IFRD1: variants seen among roughly 807,000 people sequenced by gnomAD.
IFRD1 encodes the protein interferon-related developmental regulator 1.
Under a neutral mutation model 52.9 loss-of-function variants are expected in IFRD1, and 35 were observed. The ratio of observed to expected loss-of-function variants is 0.66; its 90% CI spans 0.51 to 0.88. The LOEUF (loss-of-function observed/expected upper bound fraction) is 0.88. Ranked by LOEUF, IFRD1 falls within the 40% of genes least tolerant of loss-of-function variation. The probability of loss-of-function intolerance (pLI) is 0.00; values close to 1 mark genes in which losing one functional copy is unlikely to be tolerated. For missense variants in IFRD1, 517 were observed against 550.8 expected, an observed-to-expected ratio of 0.94 and a Z score of 0.61; for synonymous variants, 184 against 188.4, an observed-to-expected ratio of 0.98 and a Z score of 0.19.
At position 112,477,161 on chromosome 7, in the gene IFRD1, A is replaced by C. The variant is rs1457025934; in HGVS notation, c.*1642A>C. Reference sequence around the variant, plus strand: ...TGCATATATGTATGTACATGTAATTATAAATAAATAATGAATTTTTATTAA... The same window carrying C: ...TGCATATATGTATGTACATGTAATTCTAAATAAATAATGAATTTTTATTAA... On this transcript the variant is annotated 3_prime_UTR_variant, in exon 12 of 12. Coordinates refer to ENST00000403825, the MANE Select transcript of IFRD1 (RefSeq NM_001550.4). The C allele has an allele frequency of 6.6e-6, 1 of 152,224 alleles. No individual in the cohort carries two copies. The highest frequency in any genetic ancestry group is 1.5e-5 in the Non-Finnish European group (1 of 68,038). 9.4% of individuals were successfully genotyped at this position (152,224 alleles called of 1,614,324 possible).
At chr7:112,433,641 G>A (rs1794596532) in intron 1 of IFRD1, among the ~76,000 whole-genome samples, 2 of 152,180 alleles carry the variant, frequency 1.3e-5, no homozygotes, top group African/African-American at 2.4e-5. Flanking sequence ...GGAAAGGGCT[G>A]TTATCATCCT....
intron 8 of IFRD1, among the ~76,000 whole-genome samples, chr7:112,463,021 A>T (rs1173807008): frequency 6.6e-6 from 1 of 152,206 alleles, no homozygotes; most frequent in Admixed American, 6.5e-5. Flanking sequence ...TATCTCGGGC[A>T]AACTGGGTCA....
chr7:112,469,392 G>A (rs151084575), intron 9 of IFRD1, among the ~76,000 whole-genome samples: 1,766 of 151,958 alleles, frequency 0.012, 41 homozygotes, highest in African/African-American at 0.039. Flanking sequence ...CATTATAGTA[G>A]GATTTTATAT....
intron 9 of IFRD1, 102 bp downstream of exon 9, chr7:112,468,217 A>T: frequency 7.6e-7 from 1 of 1,316,074 alleles, no homozygotes; most frequent in South Asian, 1.2e-5. Context: ...TTCACCTTTG[A>T]AAATAATTTC....
At chr7:112,469,412 A>G (rs895338750) in intron 9 of IFRD1, among the ~76,000 whole-genome samples, 2 of 152,288 alleles carry the variant, frequency 1.3e-5, no homozygotes, top group Non-Finnish European at 2.9e-5. Context: ...TTTACTCTGG[A>G]TTTTATAGTC....
chr7:112,441,787 G>A (rs1794896545), intron 1 of IFRD1, among the ~76,000 whole-genome samples: 1 of 152,112 alleles, frequency 6.6e-6, no homozygotes, highest in Non-Finnish European at 1.5e-5. Context: ...ACTTTATGAG[G>A]CCAAATACTC....
chr7:112,425,072 T>G (rs531440280), intron 1 of IFRD1, among the ~76,000 whole-genome samples: 47 of 152,132 alleles, frequency 3.1e-4, no homozygotes, highest in South Asian at 4.2e-4. Context: ...TTGACATGAT[T>G]GTAGCTCACT....
Position 112,468,051 on chromosome 7 carries a change from A to G in IFRD1, c.977A>G (p.His326Arg). 6.2e-7 allele frequency: 1 copy of G among 1,614,096 alleles called. No homozygotes were observed. Among genetic ancestry groups the G allele is most frequent in the Non-Finnish European group, 8.5e-7 (1 of 1,179,958 alleles). Residue 326 changes from histidine to arginine, a missense_variant, in exon 9 of 12, where the codon CAC (histidine) becomes CGC (arginine). Physicochemically the swap from His to Arg is conservative, Grantham distance 29 (BLOSUM62 0). Transcript: ENST00000403825. ...GCCTTGGCAACAGATGGAAATAAAC[A>G]CCGGGCCAAAGTGGACAAGAGAAAG... Reference protein sequence around the residue: ...LRALATDGNKHRAKVDKRKQR... With the variant: ...LRALATDGNKRRAKVDKRKQR...
chr7:112,460,118 T>C (rs1231587320), intron 5 of IFRD1, among the ~76,000 whole-genome samples: 2 of 146,974 alleles, frequency 1.4e-5, no homozygotes, highest in Non-Finnish European at 3.0e-5. Flanking sequence ...TTTGATTGTA[T>C]GTAAGTTTTT....
intron 1 of IFRD1, among the ~76,000 whole-genome samples, chr7:112,431,933 A>G (rs1482024237): frequency 5.3e-5 from 8 of 152,180 alleles, no homozygotes; most frequent in Non-Finnish European, 1.2e-4. Context: ...GGCGTCATCT[A>G]CATCCTATGT....
intron 11 of IFRD1, 51 bp downstream of exon 11, chr7:112,472,912 T>C (rs112669914): frequency 1.6e-6 from 2 of 1,288,306 alleles, no homozygotes. Flanking sequence ...AAGCTTTGAT[T>C]CTGTCTAGTG....
At chr7:112,452,099 G>A in intron 1 of IFRD1, 1 of 982,826 alleles carries the variant, frequency 1.0e-6, no homozygotes, top group African/African-American at 1.7e-5. Flanking sequence ...TCTTTATCAA[G>A]ATGTAAAATA....
upstream of IFRD1, chr7:112,450,306 G>A: frequency 4.6e-6 from 1 of 216,080 alleles, no homozygotes; most frequent in South Asian, 5.4e-5. Context: ...AAGACTGGCC[G>A]CATGGGATTT....
chr7:112,462,055 A>G lies in IFRD1; in HGVS notation c.673A>G (p.Lys225Glu). The G allele has an allele frequency of 6.2e-7, 1 of 1,612,982 alleles. No homozygotes were observed. ...LENIFTKSYL[K>E]EKDTTVICST... ...AAATATCTTCACTAAATCCTATCTC[A>G]AAGAGAAAGACACTACTGTTATTTG... The change falls in exon 7 of 12, where the codon AAA becomes GAA. Residue 225 changes from lysine (K) to glutamate (E), a missense_variant. Lys to Glu is a moderately conservative substitution (Grantham distance 56). Transcript: ENST00000403825.
At position 112,475,498 on chromosome 7, in the gene IFRD1, A is replaced by C; in HGVS notation, c.1335A>C (p.Ala445=). The C allele has an allele frequency of 6.2e-7, 1 of 1,605,230 alleles. No individual in the cohort carries two copies. The highest frequency in any genetic ancestry group is 1.1e-5 in the South Asian group (1 of 90,574). ...GAAGCAAATGTCGAGATAAGAGAGC[A>C]GATGTTGGAGAATTCTTCTAGATTT... is the stretch of plus-strand genomic sequence containing the variant. ...KARSKCRDKR[A]DVGEFF is the part of the protein sequence containing the mutation. Residue 445 remains alanine (A), a synonymous_variant, in exon 12 of 12, where the codon GCA becomes GCC. Coordinates refer to ENST00000403825, the MANE Select transcript of IFRD1 (RefSeq NM_001550.4).
At chr7:112,467,776 A>G (rs1795647064) in intron 8 of IFRD1, 1 of 570,676 alleles carries the variant, frequency 1.8e-6, no homozygotes, top group Non-Finnish European at 3.1e-6. Flanking sequence ...TTGCTGTAGT[A>G]CATCATCTTG....
intron 5 of IFRD1, chr7:112,461,275 A>G (rs146353985): frequency 6.6e-6 from 1 of 152,348 alleles, no homozygotes; most frequent in African/African-American, 2.4e-5. Flanking sequence ...AAGTTTTCAT[A>G]GTAGAGTCTT....
At chr7:112,472,170 T>A in intron 9 of IFRD1, 49 bp from the exon 10 acceptor site, 1 of 1,605,298 alleles carries the variant, frequency 6.2e-7, no homozygotes, top group Non-Finnish European at 8.5e-7. Context: ...ATAAGATCCC[T>A]CTGAGCCATT....
intron 11 of IFRD1, among the ~76,000 whole-genome samples, chr7:112,473,656 C>T (rs1260823211): frequency 6.6e-6 from 1 of 152,150 alleles, no homozygotes; most frequent in Non-Finnish European, 1.5e-5. Context: ...AACTCCTGAC[C>T]TCAGGTGATC....
Sources: allele counts gnomAD v4.1 joint callset (sites outside exome capture counted in the v4.1 genomes callset), GRCh38; gene constraint gnomAD v4.1.1; transcripts MANE v1.5; gene names NCBI Gene and HGNC (gene_info 2026-07-23, HGNC 2026-07-21).